ACOX3: variants seen among roughly 807,000 people sequenced by gnomAD.
The protein encoded by ACOX3 is peroxisomal acyl-coenzyme A oxidase 3.
A neutral mutation model predicts 81.5 loss-of-function variants in ACOX3; 73 were observed. The ratio of observed to expected loss-of-function variants is 0.90; its 90% CI spans 0.74 to 1.09. The LOEUF (loss-of-function observed/expected upper bound fraction) is 1.09, where lower values mean the gene tolerates loss of function less well. ACOX3 is among the 50% of genes least tolerant of loss of function. ACOX3 has a pLI of 0.00. For synonymous variants in ACOX3, 387 were observed against 375.1 expected (o/e 1.03, Z -0.37); for missense variants, 947 against 928.0 (o/e 1.02, Z -0.27).
chr4:8,386,883 A>G lies in ACOX3; in HGVS notation c.1537+2290T>C, dbSNP rs567929016. 1.4e-4 allele frequency among the ~76,000 whole-genome samples: 22 copies of G among 152,322 alleles called. No homozygotes were observed. Among genetic ancestry groups the G allele is most frequent in the Non-Finnish European group, 2.1e-4 (14 of 68,014 alleles). ...GTAGCCTGTAGGGCTGGAGACGGACAAGGACACACGCTCGGGGGCTGCTAT... is the reference window on the plus strand; with the variant it reads ...GTAGCCTGTAGGGCTGGAGACGGACGAGGACACACGCTCGGGGGCTGCTAT... On this transcript the variant is annotated intron_variant, in intron 13 of 17. Coordinates refer to ENST00000356406, the MANE Select transcript of ACOX3 (RefSeq NM_003501.3). The surrounding 1 kb of genome is among the most constrained non-coding windows in gnomAD (Gnocchi z 5.2).
In ACOX3 at chr4:8,400,496, G is replaced by A. The variant is rs569431912; in HGVS notation, c.777-844C>T. On this transcript the variant is annotated intron_variant, in intron 7 of 17. Transcript: ENST00000356406. The surrounding 1 kb of genome is among the most constrained non-coding windows in gnomAD (Gnocchi z 4.4). ...GGTGTGATGGCATTGGTGCTCCCTC[G>A]GCAAGGAAATTCACTTCTTTTGAAC... 4.6e-5 allele frequency among the ~76,000 whole-genome samples: 7 copies of A among 152,172 alleles called. No individual in the cohort carries two copies. The highest frequency in any genetic ancestry group is 2.1e-4 in the South Asian group (1 of 4,822).
chr4:8,395,247 TG>T (rs1298682786), intron 9 of ACOX3, among the ~76,000 whole-genome samples: 1 of 798 alleles, frequency 1.3e-3, no homozygotes, highest in Non-Finnish European at 2.6e-3. Context: ...TATTGTTGGA[TG>T]GGGGGGTGGG....
At chr4:8,378,469 A>G (rs1717239516) in intron 14 of ACOX3, among the ~76,000 whole-genome samples, 1 of 152,202 alleles carries the variant, frequency 6.6e-6, no homozygotes, top group South Asian at 2.1e-4. Context: ...CCCTTGTGGC[A>G]GGGGTTGGTC....
chr4:8,408,918 G>T (rs1721368918), intron 6 of ACOX3, among the ~76,000 whole-genome samples: 3 of 122,804 alleles, frequency 2.4e-5, no homozygotes, highest in Admixed American at 7.9e-5. Flanking sequence ...GGGGGGGTGG[G>T]GGCGGTCTGA....
intron 1 of ACOX3, among the ~76,000 whole-genome samples, chr4:8,434,469 C>G (rs1724115024): frequency 6.6e-6 from 1 of 152,244 alleles, no homozygotes; most frequent in African/African-American, 2.4e-5. Flanking sequence ...TGTAGAGCAT[C>G]CCTGTGGGGG....
At chr4:8,420,228 T>C (rs542384067) in intron 1 of ACOX3, among the ~76,000 whole-genome samples, 12 of 152,366 alleles carry the variant, frequency 7.9e-5, no homozygotes, top group Non-Finnish European at 1.5e-5. Context: ...TCACCAACCT[T>C]ACTGCATTAT....
Position 8,389,269 on chromosome 4 carries a change from T to A in ACOX3, c.1441A>T (p.Ser481Cys). 6.2e-7 allele frequency: 1 copy of A among 1,613,198 alleles called. No individual in the cohort carries two copies. Among genetic ancestry groups the A allele is most frequent in the Non-Finnish European group, 8.5e-7 (1 of 1,179,670 alleles). ...AGAAAGTCCACTGACTTCAGCGGAC[T>A]GCGGAAGCAAGCTCCATCTAGGACA... ...HQVHDGACFR[S>C]PLKSVDFLDA... Residue 481 changes from serine to cysteine, a missense_variant, in exon 13 of 18, where the codon AGT becomes TGT. By Grantham distance (112) the Ser-to-Cys change is moderately radical (BLOSUM62 -1). Transcript: ENST00000356406. The surrounding 1 kb of genome is among the most constrained non-coding windows in gnomAD (Gnocchi z 5.3).
intron 6 of ACOX3, among the ~76,000 whole-genome samples, chr4:8,409,797 G>GACTGTAC (rs1721499035): frequency 1.3e-5 from 2 of 150,404 alleles, no homozygotes; most frequent in African/African-American, 4.9e-5. Flanking sequence ...TGTACTGTGG[G>GACTGTAC]TGGAGCTGTC....
chr4:8,427,802 G>C (rs1344887603), intron 1 of ACOX3, among the ~76,000 whole-genome samples: 2 of 152,238 alleles, frequency 1.3e-5, no homozygotes, highest in African/African-American at 4.8e-5. Flanking sequence ...GTCTAGACAA[G>C]GTCTACTGTC....
Position 8,394,784 on chromosome 4 carries a change from C to A in ACOX3, c.1057-42G>T. ...ACCTGCGTGAACACATCGTGGTTCCCATGAAGGGCAGCCCATCCCAGGGAC... is the reference window on the plus strand; with the variant it reads ...ACCTGCGTGAACACATCGTGGTTCCAATGAAGGGCAGCCCATCCCAGGGAC... On this transcript the variant is annotated intron_variant, in intron 9 of 17. Transcript: ENST00000356406. This position sits in a 1 kb window ranked among gnomAD's most constrained non-coding sequence, Gnocchi z 5.9. 6.3e-7 allele frequency: 1 copy of A among 1,590,688 alleles called. No individual in the cohort carries two copies. Among genetic ancestry groups the A allele is most frequent in the Non-Finnish European group, 8.6e-7 (1 of 1,165,514 alleles).
In ACOX3 at chr4:8,385,531, A is replaced by G. The variant is rs544070526; in HGVS notation, c.1537+3642T>C. ...ACGAGCCAGCTAAACAACAGGGCCC[A>G]CTGCAGGAAGCAACAGCACAGGCCC... is the stretch of plus-strand genomic sequence containing the variant. On this transcript the variant is annotated intron_variant, in intron 13 of 17. Transcript: ENST00000356406. The surrounding 1 kb of genome is among the most constrained non-coding windows in gnomAD (Gnocchi z 5.5). Among the ~76,000 whole-genome samples the G allele has an allele frequency of 6.6e-6, 1 of 152,246 alleles. No homozygotes were observed. The highest frequency in any genetic ancestry group is 1.5e-5 in the Non-Finnish European group (1 of 68,030).
chr4:8,365,481 G>A (rs1174925844), downstream of ACOX3, among the ~76,000 whole-genome samples: 2 of 152,194 alleles, frequency 1.3e-5, no homozygotes, highest in Non-Finnish European at 2.9e-5. Context: ...CCTGTGCTGG[G>A]GCACTCAGGC....
At chr4:8,377,108 T>TGCCCACACCCCAAAACGTGC (rs1403947337) in intron 14 of ACOX3, among the ~76,000 whole-genome samples, 1 of 152,134 alleles carries the variant, frequency 6.6e-6, no homozygotes, top group Non-Finnish European at 1.5e-5. Context: ...CATTGAATCC[T>TGCCCACACCCCAAAACGTGC]GCCCACACCC....
rs1258521382 is a variant in ACOX3, at chr4:8,385,899, C to T, written c.1537+3274G>A. ...GCAGAACCCACAAGCTTCCCTGCGG[C>T]GTGAGGGATAATGGCGGTCTCTCTC... is the stretch of plus-strand genomic sequence containing the variant. On this transcript the variant is annotated intron_variant, in intron 13 of 17. Coordinates refer to ENST00000356406, the MANE Select transcript of ACOX3 (RefSeq NM_003501.3). The surrounding 1 kb of genome is among the most constrained non-coding windows in gnomAD (Gnocchi z 5.5). 2.0e-5 allele frequency among the ~76,000 whole-genome samples: 3 copies of T among 152,234 alleles called. No homozygotes were observed. The highest frequency in any genetic ancestry group is 2.1e-4 in the South Asian group (1 of 4,834).
At chr4:8,357,493 C>T in the ACOX3 span, 1 of 334,318 alleles carries the variant, frequency 3.0e-6, no homozygotes, top group Admixed American at 3.9e-5. Flanking sequence ...AAGTTTTCTA[C>T]ATTACCAAAA....
chr4:8,401,882 G>A (rs1265717896), intron 7 of ACOX3, among the ~76,000 whole-genome samples: 3 of 152,148 alleles, frequency 2.0e-5, no homozygotes, highest in African/African-American at 7.2e-5. Flanking sequence ...GGAATTCTAT[G>A]CCCCACCCTG....
Position 8,384,448 on chromosome 4 carries a change from C to T in ACOX3, c.1538-2841G>A, listed in dbSNP as rs945637504. ...CGGGCACTGACGGGCAGTGAATTCT[C>T]TTGCTCGGAATGCGGCTGCTGGCGG... On this transcript the variant is annotated intron_variant, in intron 13 of 17. Coordinates refer to ENST00000356406, the MANE Select transcript of ACOX3 (RefSeq NM_003501.3). This position sits in a 1 kb window ranked among gnomAD's most constrained non-coding sequence, Gnocchi z 5.3. Among the ~76,000 whole-genome samples, 2 of 152,212 alleles carry T rather than the reference C, an allele frequency of 1.3e-5. No individual in the cohort carries two copies. The highest frequency in any genetic ancestry group is 4.8e-5 in the African/African-American group (2 of 41,446).
At chr4:8,411,178 C>G (rs1181294116) in intron 5 of ACOX3, among the ~76,000 whole-genome samples, 1 of 152,192 alleles carries the variant, frequency 6.6e-6, no homozygotes, top group East Asian at 1.9e-4. Flanking sequence ...TTCAGGCAGA[C>G]AGCCCGCAGG....
chr4:8,368,311 C>T lies in ACOX3; in HGVS notation c.1984-1231G>A, dbSNP rs779162348. 1.3e-5 allele frequency among the ~76,000 whole-genome samples: 2 copies of T among 152,224 alleles called. No individual in the cohort carries two copies. Among genetic ancestry groups the T allele is most frequent in the African/African-American group, 2.4e-5 (1 of 41,466 alleles). On this transcript the variant is annotated intron_variant, in intron 17 of 17. Transcript: ENST00000356406. The surrounding 1 kb of genome is among the most constrained non-coding windows in gnomAD (Gnocchi z 5.9). ...GCCTCACTGGGAAGATGGGGAGAGA[C>T]GCTCCTGTCTTGGAGGAAGGTTGTA...
Sources: gnomAD v4.1 joint callset for allele counts (sites outside exome capture counted in the v4.1 genomes callset) on GRCh38, gnomAD v4.1.1 for gene constraint, Gnocchi (gnomAD v3.1) non-coding constraint, MANE v1.5 for transcripts, NCBI Gene and HGNC (gene_info 2026-07-23, HGNC 2026-07-21) for gene names.